The following LMO4 variants were observed in gnomAD, a reference collection of about 807,000 sequenced individuals.
The protein encoded by LMO4 is LIM domain only 4.
In LMO4, 3 loss-of-function variants were observed where a neutral mutation model predicts 18.5. The observed-to-expected ratio is 0.16, with a 90% CI of 0.07 to 0.42. The LOEUF (loss-of-function observed/expected upper bound fraction) is 0.42. Ranked by LOEUF, LMO4 falls within the 10% of genes least tolerant of loss-of-function variation. The probability of loss-of-function intolerance (pLI) is 0.99; values close to 1 mark genes in which losing one functional copy is unlikely to be tolerated. For synonymous variants in LMO4, 100 were observed against 88.1 expected, an observed-to-expected ratio of 1.14 and a Z score of -0.76; for missense variants, 121 against 219.9, an observed-to-expected ratio of 0.55 and a Z score of 2.84.
rs183815375 is a variant in LMO4 at position 87,346,697 on chromosome 1, G to T, written c.*1901G>T. The T allele has an allele frequency of 2.3e-4, 35 of 152,278 alleles. No homozygotes were observed. The highest frequency in any genetic ancestry group is 8.4e-4 in the African/African-American group (35 of 41,560). 9.4% of individuals were successfully genotyped at this position (152,278 alleles called of 1,614,324 possible). On this transcript the variant is annotated 3_prime_UTR_variant, in exon 5 of 5. Coordinates refer to ENST00000370544, the MANE Select transcript of LMO4 (RefSeq NM_006769.4). ...GTTGAACTTCAAACCTCCTAGAGGA[G>T]ATTGTAAAGGCATAGAGTTGAGGTG...
intron 2 of LMO4, among the ~76,000 whole-genome samples, chr1:87,337,414 A>T (rs1276032289): frequency 6.6e-6 from 1 of 152,244 alleles, no homozygotes; most frequent in African/African-American, 2.4e-5. Context: ...AGGCTGAGTA[A>T]TCAGATGGGT....
At chr1:87,340,917 A>T (rs1422496020) in intron 4 of LMO4, among the ~76,000 whole-genome samples, 1 of 152,356 alleles carries the variant, frequency 6.6e-6, no homozygotes, top group East Asian at 1.9e-4. Flanking sequence ...TATACAAATC[A>T]TGTAGTATTA....
intron 2 of LMO4, among the ~76,000 whole-genome samples, chr1:87,339,035 C>G (rs562140115): frequency 9.9e-5 from 15 of 152,160 alleles, no homozygotes; most frequent in Non-Finnish European, 2.2e-4. Context: ...CAGAGAGTTT[C>G]TAATGGAAAG....
intron 1 of LMO4, among the ~76,000 whole-genome samples, chr1:87,330,667 G>A (rs549350327): frequency 6.6e-6 from 1 of 152,172 alleles, no homozygotes; most frequent in Non-Finnish European, 1.5e-5. Flanking sequence ...AAGTTGGGCC[G>A]GGTACAGGCA....
At chr1:87,332,313 C>T (rs1650179140) in intron 2 of LMO4, 62 bp downstream of exon 2, 1 of 1,337,072 alleles carries the variant, frequency 7.5e-7, no homozygotes, top group Admixed American at 1.8e-5. Context: ...CAAAGGTTAA[C>T]AGGGTTGTGA....
chr1:87,333,085 C>A (rs1650201011), intron 2 of LMO4, among the ~76,000 whole-genome samples: 1 of 152,116 alleles, frequency 6.6e-6, no homozygotes, highest in South Asian at 2.1e-4. Context: ...TTCATATGTC[C>A]ATGTAAGCAG....
At position 87,348,699 on chromosome 1, in the gene LMO4, A is replaced by C. The variant is rs1221909506; in HGVS notation, c.*3903A>C. The C allele has an allele frequency of 2.0e-6, 1 of 509,886 alleles. No individual in the cohort carries two copies. Among genetic ancestry groups the C allele is most frequent in the Non-Finnish European group, 3.9e-6 (1 of 255,476 alleles). The allele number at this position is 509,886 out of a possible 1,614,324, so 31.6% of individuals were successfully genotyped here. A position where few individuals can be genotyped will look rare whatever the true frequency, so the allele number is the denominator to read the frequency against. ...GAAGGTGAACTTGCAACTTACCTCA[A>C]GTGAATACTGTTTTCAGTTGTGCAA... On this transcript the variant is annotated 3_prime_UTR_variant, in exon 5 of 5. Coordinates refer to ENST00000370544, the MANE Select transcript of LMO4 (RefSeq NM_006769.4).
chr1:87,343,667 G>A (rs1430143974), intron 4 of LMO4, among the ~76,000 whole-genome samples: 1 of 152,204 alleles, frequency 6.6e-6, no homozygotes, highest in African/African-American at 2.4e-5. Flanking sequence ...TGTGTCCATC[G>A]TAGAAGACAT....
chr1:87,337,546 T>G (rs1050116399), intron 2 of LMO4, among the ~76,000 whole-genome samples: 8 of 152,228 alleles, frequency 5.3e-5, no homozygotes, highest in African/African-American at 1.7e-4. Flanking sequence ...TATTTGTTCT[T>G]TAGCCTTGTT....
chr1:87,329,268 C>T (rs1358596331), intron 1 of LMO4, 24 bp downstream of exon 1: 10 of 152,144 alleles, frequency 6.6e-5, no homozygotes, highest in Admixed American at 3.3e-4. Context: ...TGGAGAGCCG[C>T]GGGCCGGGAG....
In LMO4 at chr1:87,348,769, A is replaced by C. The variant is rs1650707442; in HGVS notation, c.*3973A>C. ...GATATGTGCATGTTTCCTAGAGGGA[A>C]TGTTTTCAAGTTCAGATTGATTCTG... On this transcript the variant is annotated 3_prime_UTR_variant, in exon 5 of 5. Transcript: ENST00000370544. 1 of 515,314 alleles carries C rather than the reference A, an allele frequency of 1.9e-6. No homozygotes were observed. Among genetic ancestry groups the C allele is most frequent in the East Asian group, 5.5e-5 (1 of 18,284 alleles). 31.9% of individuals were successfully genotyped at this position (515,314 alleles called of 1,614,324 possible). A position where few individuals can be genotyped will look rare whatever the true frequency, so the allele number is the denominator to read the frequency against.
rs1449190477 is a variant in LMO4, at chr1:87,331,164, G to A, written c.-3-849G>A. The A allele has an allele frequency of 2.0e-5, 3 of 148,744 alleles. No homozygotes were observed. The Admixed American group carries it at 2.1e-4, about 10-fold the overall frequency. 9.2% of individuals were successfully genotyped at this position (148,744 alleles called of 1,614,324 possible). On this transcript the variant is annotated intron_variant, in intron 1 of 4. Coordinates refer to ENST00000370544, the MANE Select transcript of LMO4 (RefSeq NM_006769.4). Reference sequence around the variant, plus strand: ...ACCAAAGTGGAGAGTGTTTGTATAGGAAGTTAACAGGCATCCTAAAGTTCA... The same window carrying A: ...ACCAAAGTGGAGAGTGTTTGTATAGAAAGTTAACAGGCATCCTAAAGTTCA...
chr1:87,338,287 T>C (rs775797716), intron 2 of LMO4, among the ~76,000 whole-genome samples: 1 of 152,244 alleles, frequency 6.6e-6, no homozygotes, highest in Non-Finnish European at 1.5e-5. Flanking sequence ...ATATGTCTCC[T>C]GGTTTGACAC....
intron 4 of LMO4, among the ~76,000 whole-genome samples, chr1:87,341,878 C>T (rs1039100689): frequency 6.6e-6 from 1 of 152,106 alleles, no homozygotes; most frequent in Non-Finnish European, 1.5e-5. Flanking sequence ...GATTTGGATT[C>T]TAATGAAGTG....
intron 1 of LMO4, among the ~76,000 whole-genome samples, chr1:87,330,590 T>C (rs543896254): frequency 9.2e-5 from 14 of 152,306 alleles, no homozygotes; most frequent in African/African-American, 3.4e-4. Flanking sequence ...GAAATGTGTT[T>C]AAAATCGGCC....
intron 2 of LMO4, among the ~76,000 whole-genome samples, chr1:87,333,520 TC>T (rs1462721751): frequency 2.0e-5 from 3 of 152,224 alleles, no homozygotes; most frequent in Non-Finnish European, 2.9e-5. Flanking sequence ...TTGTAAAAGA[TC>T]CCAGTGCAGT....
chr1:87,329,532 A>G (rs993993988), intron 1 of LMO4, among the ~76,000 whole-genome samples: 2 of 132,934 alleles, frequency 1.5e-5, no homozygotes, highest in African/African-American at 5.6e-5. Context: ...GGATATTTCT[A>G]GTTCATAAGG....
intron 1 of LMO4, 152 bp from the exon 2 acceptor site, chr1:87,331,861 C>CGT: frequency 2.7e-5 from 17 of 622,626 alleles, no homozygotes; most frequent in Admixed American, 1.8e-4. Flanking sequence ...TCCCTCTCCC[C>CGT]CTCAGCCTCC....
chr1:87,332,364 C>A, intron 2 of LMO4, 113 bp downstream of exon 2: 1 of 754,878 alleles, frequency 1.3e-6, no homozygotes. Flanking sequence ...CAGCCTTCAC[C>A]TCAAAAATCT....
Sources: allele counts gnomAD v4.1 joint callset (sites outside exome capture counted in the v4.1 genomes callset), GRCh38; gene constraint gnomAD v4.1.1; transcripts MANE v1.5; gene names NCBI Gene and HGNC (gene_info 2026-07-23, HGNC 2026-07-21).